The following GALNT9 variants were observed in gnomAD, a reference collection of about 807,000 sequenced individuals.
The protein encoded by GALNT9 is GalNAc transferase 9.
In GALNT9, 47 loss-of-function variants were observed where a neutral mutation model predicts 63.1. That is an observed-to-expected ratio of 0.75 (90% CI 0.59 to 0.95). The LOEUF (loss-of-function observed/expected upper bound fraction) is 0.95, where lower values mean the gene tolerates loss of function less well. Ranked by LOEUF, GALNT9 falls within the 40% of genes least tolerant of loss-of-function variation. The pLI, the probability that GALNT9 is intolerant of heterozygous loss-of-function variation, is 0.00. For synonymous variants in GALNT9, 396 were observed against 365.7 expected (o/e 1.08, Z -0.94); for missense variants, 829 against 874.8 (o/e 0.95, Z 0.66).
chr12:132,255,782 C>T (rs1879084450), intron 5 of GALNT9, among the ~76,000 whole-genome samples: 1 of 152,246 alleles, frequency 6.6e-6, no homozygotes, highest in Non-Finnish European at 1.5e-5. Flanking sequence ...AGGCTGCACG[C>T]CTGCACGCTA....
intron 1 of GALNT9, 125 bp downstream of exon 1, chr12:132,328,841 C>A: frequency 8.3e-7 from 1 of 1,209,260 alleles, no homozygotes; most frequent in Non-Finnish European, 1.1e-6. Flanking sequence ...CTCCTCTCTC[C>A]TGTATATTCC....
intron 5 of GALNT9, among the ~76,000 whole-genome samples, chr12:132,251,227 C>T (rs1878904773): frequency 6.6e-6 from 1 of 152,198 alleles, no homozygotes; most frequent in Non-Finnish European, 1.5e-5. Flanking sequence ...GAATTTCGAT[C>T]GATACAATTT....
chr12:132,237,112 G>A (rs1274084322), intron 6 of GALNT9, among the ~76,000 whole-genome samples: 2 of 152,088 alleles, frequency 1.3e-5, no homozygotes, highest in East Asian at 3.9e-4. Flanking sequence ...CAGGTCTCTC[G>A]GGACTGTGGC....
chr12:132,297,731 C>T (rs529009739), intron 1 of GALNT9, among the ~76,000 whole-genome samples: 1 of 152,128 alleles, frequency 6.6e-6, no homozygotes, highest in Admixed American at 6.5e-5. Flanking sequence ...CCCAAGATAA[C>T]CAACACACTC....
At chr12:132,289,467 C>T (rs73473517) in intron 1 of GALNT9, among the ~76,000 whole-genome samples, 6,235 of 152,302 alleles carry the variant, frequency 0.041, 425 homozygotes, top group African/African-American at 0.14. Context: ...GCTGTCCACA[C>T]CCTAATCCCT....
chr12:132,227,791 G>A (rs1331261961), intron 6 of GALNT9, among the ~76,000 whole-genome samples: 2 of 152,046 alleles, frequency 1.3e-5, no homozygotes, highest in Non-Finnish European at 2.9e-5. Context: ...CTGGTTAATG[G>A]GCAGAGGCAG....
intron 1 of GALNT9, among the ~76,000 whole-genome samples, chr12:132,317,022 A>G (rs1868544320): frequency 6.9e-6 from 1 of 145,110 alleles, no homozygotes; most frequent in South Asian, 2.2e-4. Context: ...CCTACACCCC[A>G]CGGAGCATGG....
intron 1 of GALNT9, among the ~76,000 whole-genome samples, chr12:132,298,722 C>A (rs1267103137): frequency 6.8e-6 from 1 of 145,986 alleles, no homozygotes; most frequent in African/African-American, 2.6e-5. Context: ...CTGAGATAAC[C>A]CACTCCCATG....
intron 2 of GALNT9, among the ~76,000 whole-genome samples, chr12:132,270,309 A>T (rs1879818515): frequency 1.3e-5 from 2 of 152,188 alleles, no homozygotes; most frequent in African/African-American, 4.8e-5. Flanking sequence ...TGTCTCCCTG[A>T]AATACGATCA....
chr12:132,216,663 G>A (rs1877210344), intron 6 of GALNT9, among the ~76,000 whole-genome samples: 1 of 152,356 alleles, frequency 6.6e-6, no homozygotes, highest in Middle Eastern at 3.4e-3. Flanking sequence ...CTTGGGAGGT[G>A]TTCCAGCATC....
At chr12:132,227,209 C>T (rs1335995314) in intron 6 of GALNT9, among the ~76,000 whole-genome samples, 7 of 152,274 alleles carry the variant, frequency 4.6e-5, no homozygotes, top group African/African-American at 7.2e-5. Flanking sequence ...CAGGAAGAAT[C>T]GTTTCTGTGC....
At chr12:132,220,488 A>G (rs1207706392) in intron 6 of GALNT9, among the ~76,000 whole-genome samples, 1 of 152,224 alleles carries the variant, frequency 6.6e-6, no homozygotes, top group African/African-American at 2.4e-5. Flanking sequence ...TATGAAAAAT[A>G]CCCATGGAAG....
chr12:132,302,853 C>T (rs1054742844), intron 1 of GALNT9, among the ~76,000 whole-genome samples: 1 of 152,162 alleles, frequency 6.6e-6, no homozygotes, highest in Non-Finnish European at 1.5e-5. Flanking sequence ...TGGGATCTTG[C>T]TTTGAGCCTT....
At chr12:132,203,795 G>C (rs1555233912) in intron 6 of GALNT9, 105 bp from the exon 7 acceptor site, 1 of 1,262,450 alleles carries the variant, frequency 7.9e-7, no homozygotes, top group Non-Finnish European at 1.1e-6. Context: ...CTCTGTTCCT[G>C]GGGCACCCCC....
chr12:132,324,988 G>A lies in GALNT9; in HGVS notation c.238+3978C>T, dbSNP rs565390954. 1.7e-3 allele frequency among the ~76,000 whole-genome samples: 266 copies of A among 152,288 alleles called. 1 individual carries two copies. Among genetic ancestry groups the A allele is most frequent in the African/African-American group, 5.3e-3 (222 of 41,578 alleles). ...TGGGGCTTCCCAAAGCAGGGGCTGCGTCCCGGTGGGCCCAGCTTGCAGACA... is the reference window on the plus strand; with the variant it reads ...TGGGGCTTCCCAAAGCAGGGGCTGCATCCCGGTGGGCCCAGCTTGCAGACA... On this transcript the variant is annotated intron_variant, in intron 1 of 10. Transcript: ENST00000328957.
In GALNT9 at chr12:132,327,413, G is replaced by T. The variant is rs942224032; in HGVS notation, c.238+1553C>A. On this transcript the variant is annotated intron_variant, in intron 1 of 10. Coordinates refer to ENST00000328957, the MANE Select transcript of GALNT9 (RefSeq NM_001122636.2). This position sits in a 1 kb window ranked among gnomAD's most constrained non-coding sequence, Gnocchi z 4.3. ...TCCCAGCCGATTCTCACCTTGAAGG[G>T]TGAGGCAGGGAAAACGACTCACAGG... 8.6e-5 allele frequency among the ~76,000 whole-genome samples: 13 copies of T among 151,910 alleles called. No homozygotes were observed. The highest frequency in any genetic ancestry group is 1.9e-4 in the African/African-American group (8 of 41,356).
intron 2 of GALNT9, among the ~76,000 whole-genome samples, chr12:132,269,984 G>T (rs1879808217): frequency 6.6e-6 from 1 of 152,234 alleles, no homozygotes; most frequent in Non-Finnish European, 1.5e-5. Context: ...GGTGACTTCG[G>T]TCTCCAGCTC....
intron 6 of GALNT9, among the ~76,000 whole-genome samples, chr12:132,216,436 C>A (rs10902519): frequency 0.59 from 90,372 of 152,118 alleles, 27,028 homozygotes; most frequent in East Asian, 0.78. Flanking sequence ...CATCTGCAGG[C>A]AGGACGGTGC....
At chr12:132,198,533 C>A (rs59907757) in intron 9 of GALNT9, among the ~76,000 whole-genome samples, 107,871 of 150,640 alleles carry the variant, frequency 0.72, 38,595 homozygotes, top group Non-Finnish European at 0.75. Context: ...ATCCACCCCC[C>A]GAGCCAATGC....
Sources: allele counts gnomAD v4.1 joint callset (sites outside exome capture counted in the v4.1 genomes callset), GRCh38; gene constraint gnomAD v4.1.1; non-coding constraint Gnocchi (gnomAD v3.1); transcripts MANE v1.5; gene names NCBI Gene and HGNC (gene_info 2026-07-23, HGNC 2026-07-21).